SOS1: variants seen among roughly 807,000 people sequenced by gnomAD.
SOS1 encodes SOS Ras/Rac guanine nucleotide exchange factor 1, also known as son of sevenless homolog 1.
In SOS1, 25 loss-of-function variants were observed where a neutral mutation model predicts 157.6. The ratio of observed to expected loss-of-function variants is 0.16; its 90% CI spans 0.12 to 0.22. SOS1 has a LOEUF of 0.22. SOS1 is among the 10% of genes least tolerant of loss of function. The pLI is 1.00. For synonymous variants in SOS1, 528 were observed against 534.0 expected, an observed-to-expected ratio of 0.99 and a Z score of 0.16; for missense variants, 1,237 against 1,599.1, an observed-to-expected ratio of 0.77 and a Z score of 3.86.
At chr2:39,044,008 G>A (rs542527272) in intron 6 of SOS1, among the ~76,000 whole-genome samples, 1 of 152,190 alleles carries the variant, frequency 6.6e-6, no homozygotes, top group African/African-American at 2.4e-5. Flanking sequence ...TATTTTAAAG[G>A]TTATTTCATT....
At chr2:39,110,913 C>T (rs1409852981) in intron 1 of SOS1, among the ~76,000 whole-genome samples, 1 of 152,162 alleles carries the variant, frequency 6.6e-6, no homozygotes, top group African/African-American at 2.4e-5. Flanking sequence ...CCAGCCTGGC[C>T]AACATGGAGA....
chr2:39,054,851 T>A (rs942526044), intron 4 of SOS1, 28 bp from the exon 5 acceptor site: 7 of 1,103,108 alleles, frequency 6.3e-6, no homozygotes, highest in Non-Finnish European at 8.3e-6. Context: ...TAAAAAAGTA[T>A]AATAAAATAT....
intron 17 of SOS1, among the ~76,000 whole-genome samples, chr2:39,003,328 A>ATG (rs749450367): frequency 3.9e-5 from 6 of 152,194 alleles, no homozygotes; most frequent in Non-Finnish European, 8.8e-5. Flanking sequence ...AGCAAGAAGG[A>ATG]TGCTTTCTTA....
Position 39,022,397 on chromosome 2 carries a change from A to G in SOS1, c.1858+173T>C, listed in dbSNP as rs929074606. The G allele has an allele frequency of 4.8e-6, 3 of 624,978 alleles. No homozygotes were observed. In the African/African-American group the frequency reaches 5.5e-5, roughly 12 times the overall value. The allele number at this position is 624,978 out of a possible 1,614,324, so 38.7% of individuals were successfully genotyped here. On this transcript the variant is annotated intron_variant, in intron 10 of 22. Transcript: ENST00000402219. ...AGGTTAAAAAAAAGTATTTAAGTGT[A>G]GTAGAAAAAGTAAAACATTCCAAAG...
In SOS1 at chr2:39,040,154, A is replaced by G. The variant is rs946528116; in HGVS notation, c.865-4654T>C. Among the ~76,000 whole-genome samples, 4 of 150,658 alleles carry G rather than the reference A, an allele frequency of 2.7e-5. No homozygotes were observed. The East Asian group carries it at 5.8e-4, about 22-fold the overall frequency. ...AGCCTCCCGAGTAGCTGGGACTACA[A>G]GCGCCCGCCACTACACCCGGCTAAT... is the stretch of plus-strand genomic sequence containing the variant. On this transcript the variant is annotated intron_variant, in intron 6 of 22. Coordinates refer to ENST00000402219, the MANE Select transcript of SOS1 (RefSeq NM_005633.4).
At chr2:39,043,172 G>A (rs1014356813) in intron 6 of SOS1, among the ~76,000 whole-genome samples, 1 of 152,046 alleles carries the variant, frequency 6.6e-6, no homozygotes, top group Non-Finnish European at 1.5e-5. Context: ...TCTATTGCTT[G>A]TTTGCCCAAC....
intron 8 of SOS1, among the ~76,000 whole-genome samples, chr2:39,024,860 C>A (rs542207709): frequency 1.2e-4 from 18 of 152,268 alleles, no homozygotes; most frequent in Middle Eastern, 6.8e-3. Flanking sequence ...TTGTCCATAT[C>A]CACATTAAGA....
chr2:39,120,459 G>A lies in SOS1; in HGVS notation c.-37C>T. 1.3e-6 allele frequency: 2 copies of A among 1,534,630 alleles called. No homozygotes were observed. Among genetic ancestry groups the A allele is most frequent in the South Asian group, 2.4e-5 (2 of 84,206 alleles). ...GGCGCCTCTGGGCGGGGAGAGGGGCGGCGGCGGCCGGGCCAGGGAGCCGCG... is the reference window on the plus strand; with the variant it reads ...GGCGCCTCTGGGCGGGGAGAGGGGCAGCGGCGGCCGGGCCAGGGAGCCGCG... On this transcript the variant is annotated 5_prime_UTR_variant, in exon 1 of 23. Coordinates refer to ENST00000402219, the MANE Select transcript of SOS1 (RefSeq NM_005633.4).
Position 39,046,464 on chromosome 2 carries a change from T to A in SOS1, c.864+4680A>T, listed in dbSNP as rs189989754. Among the ~76,000 whole-genome samples, 1,185 of 151,908 alleles carry A rather than the reference T, an allele frequency of 7.8e-3. 8 individuals carry two copies. The highest frequency in any genetic ancestry group is 0.014 in the Middle Eastern group (4 of 292). On this transcript the variant is annotated intron_variant, in intron 6 of 22. Transcript: ENST00000402219. ...AAATTTATCAACACACTTTCTAATTTTTTATTTATTTATTTATTTTGAGAC... is the reference window on the plus strand; with the variant it reads ...AAATTTATCAACACACTTTCTAATTATTTATTTATTTATTTATTTTGAGAC...
intron 1 of SOS1, among the ~76,000 whole-genome samples, chr2:39,112,443 G>A (rs915493652): frequency 2.0e-5 from 3 of 152,114 alleles, no homozygotes; most frequent in African/African-American, 7.2e-5. Context: ...GACTACAGGT[G>A]CGTACCACCA....
At chr2:39,063,578 G>T (rs759531101) in intron 2 of SOS1, among the ~76,000 whole-genome samples, 1 of 152,100 alleles carries the variant, frequency 6.6e-6, no homozygotes, top group Non-Finnish European at 1.5e-5. Context: ...CATTCATTTG[G>T]ACTATGATAC....
chr2:39,025,561 T>A (rs1669931852), intron 8 of SOS1, among the ~76,000 whole-genome samples: 1 of 151,750 alleles, frequency 6.6e-6, no homozygotes, highest in African/African-American at 2.4e-5. Context: ...GTTTTCACCA[T>A]GTTAGCCAGG....
At position 38,995,123 on chromosome 2, in the gene SOS1, T is replaced by C. The variant is rs1281786941; in HGVS notation, c.3346A>G (p.Ser1116Gly). Residue 1116 changes from serine (S) to glycine (G), a missense_variant and splice_region_variant, in exon 20 of 23, where the codon AGC becomes GGC. By Grantham distance (56) the Ser-to-Gly change is moderately conservative. Around this residue, in one of 15 missense-constraint regions of SOS1, gnomAD observed 306 missense variants for 322.6 expected, o/e 0.95. Coordinates refer to ENST00000402219, the MANE Select transcript of SOS1 (RefSeq NM_005633.4). ...ATGCACTTAGAATTTTTGCACCTAC[T>C]TGAGTGAAAAGGGCTCGAATGATCG... ...DSDHSSPFHS[S>G]NDTVFIQVTL... 2 of 1,613,804 alleles carry C rather than the reference T, an allele frequency of 1.2e-6. No individual in the cohort carries two copies. Among genetic ancestry groups the C allele is most frequent in the South Asian group, 2.2e-5 (2 of 91,016 alleles).
At chr2:39,034,386 T>C (rs1231793712) in intron 8 of SOS1, among the ~76,000 whole-genome samples, 3 of 152,220 alleles carry the variant, frequency 2.0e-5, no homozygotes, top group African/African-American at 4.8e-5. Context: ...TTTCCAGTAA[T>C]ATATTCTCTG....
chr2:39,016,600 G>C (rs1159673486), intron 10 of SOS1, among the ~76,000 whole-genome samples: 1 of 152,102 alleles, frequency 6.6e-6, no homozygotes, highest in Non-Finnish European at 1.5e-5. Flanking sequence ...GGAAGCAAAA[G>C]CAGTGGCCAC....
chr2:39,031,975 G>A (rs1338598164), intron 8 of SOS1, among the ~76,000 whole-genome samples: 1 of 152,026 alleles, frequency 6.6e-6, no homozygotes, highest in African/African-American at 2.4e-5. Context: ...TTTTTTCAGT[G>A]TCAGCAGCAT....
In SOS1 at chr2:38,986,117, G is replaced by C. The variant is rs371408734; in HGVS notation, c.3709C>G (p.Pro1237Ala). The change falls in exon 23 of 23, where the codon CCT becomes GCT. Residue 1237 changes from proline to alanine, a missense_variant. Coordinates refer to ENST00000402219, the MANE Select transcript of SOS1 (RefSeq NM_005633.4). ...CCATGGTCACTTTTTTTGCCCAAAGGGGGAGGTTGGAGATGTAGTGGTGAG... is the reference window on the plus strand; with the variant it reads ...CCATGGTCACTTTTTTTGCCCAAAGCGGGAGGTTGGAGATGTAGTGGTGAG... Reference protein sequence around the residue: ...SSSPLHLQPPPLGKKSDHGNA... With the variant: ...SSSPLHLQPPALGKKSDHGNA... 9.0e-5 allele frequency: 145 copies of C among 1,613,836 alleles called. No homozygotes were observed. The highest frequency in any genetic ancestry group is 5.0e-4 in the Middle Eastern group (3 of 6,058).
rs1053506002 is a variant in SOS1, at chr2:39,096,614, G to A, written c.87+23722C>T. On this transcript the variant is annotated intron_variant, in intron 1 of 22. Coordinates refer to ENST00000402219, the MANE Select transcript of SOS1 (RefSeq NM_005633.4). Reference sequence around the variant, plus strand: ...AAAAATATCTTGGCTGGCCGGGCACGGTGGTCCACGCCTGTAATCCCAGCA... The same window carrying A: ...AAAAATATCTTGGCTGGCCGGGCACAGTGGTCCACGCCTGTAATCCCAGCA... 1.1e-4 allele frequency among the ~76,000 whole-genome samples: 17 copies of A among 152,226 alleles called. No homozygotes were observed. The East Asian group carries it at 1.2e-3, about 10-fold the overall frequency.
chr2:39,003,073 A>AAAACAAAAAAAC (rs11272244), intron 17 of SOS1, among the ~76,000 whole-genome samples: 8 of 148,172 alleles, frequency 5.4e-5, no homozygotes, highest in East Asian at 2.0e-4. Context: ...TATCAAAAAA[A>AAAACAAAAAAAC]AAAAAGAACG....
Sources: allele counts gnomAD v4.1 joint callset (sites outside exome capture counted in the v4.1 genomes callset), GRCh38; gene constraint gnomAD v4.1.1; regional missense constraint gnomAD v4.1.1; transcripts MANE v1.5; gene names NCBI Gene and HGNC (gene_info 2026-07-23, HGNC 2026-07-21).